Variants in ABR observed in about 807,000 individuals in gnomAD.
ABR encodes the protein ABR activator of RhoGEF and GTPase.
Under a neutral mutation model 107.2 loss-of-function variants are expected in ABR, and 35 were observed. That is an observed-to-expected ratio of 0.33 (90% CI 0.25 to 0.43). The LOEUF is 0.43. Ranked by LOEUF, ABR falls within the 20% of genes least tolerant of loss-of-function variation. The pLI, the probability that ABR is intolerant of heterozygous loss-of-function variation, is 1.00. For synonymous variants in ABR, 498 were observed against 462.0 expected, an observed-to-expected ratio of 1.08 and a Z score of -1.00; for missense variants, 815 against 1,115.2, an observed-to-expected ratio of 0.73 and a Z score of 3.83.
intron 2 of ABR, among the ~76,000 whole-genome samples, chr17:1,114,119 GTGTT>G (rs1366872772): frequency 6.9e-6 from 1 of 144,280 alleles, no homozygotes; most frequent in Non-Finnish European, 1.5e-5. Context: ...GCAATGAACT[GTGTT>G]TGTGCTACTG....
chr17:1,222,170 T>G lies in ABR; in HGVS notation c.838+6623A>C, dbSNP rs879326563. Among the ~76,000 whole-genome samples the G allele has an allele frequency of 3.3e-5, 5 of 151,098 alleles. 1 individual carries two copies. The highest frequency in any genetic ancestry group is 2.7e-4 in the Admixed American group (4 of 15,084). ...ACCTCTGCCTCCCGGGTTCAAGCAATTCTCCTGCCTCAGCCTCCCAAGTAG... is the reference window on the plus strand; with the variant it reads ...ACCTCTGCCTCCCGGGTTCAAGCAAGTCTCCTGCCTCAGCCTCCCAAGTAG... On this transcript the variant is annotated intron_variant, in intron 1 of 22. Transcript: ENST00000574139.
intron 1 of ABR, among the ~76,000 whole-genome samples, chr17:1,160,014 C>A (rs940544280): frequency 6.6e-6 from 1 of 152,136 alleles, no homozygotes; most frequent in African/African-American, 2.4e-5. Context: ...CTGGAGGGAA[C>A]AGGTCCCTTG....
rs1409372301 is a variant in ABR, at chr17:1,027,699, G to A, written c.1792-14535C>T. 6.6e-6 allele frequency among the ~76,000 whole-genome samples: 1 copy of A among 152,178 alleles called. No individual in the cohort carries two copies. Among genetic ancestry groups the A allele is most frequent in the South Asian group, 2.1e-4 (1 of 4,792 alleles). On this transcript the variant is annotated intron_variant, in intron 16 of 22. Coordinates refer to ENST00000302538, the MANE Select transcript of ABR (RefSeq NM_021962.5). This position sits in a 1 kb window ranked among gnomAD's most constrained non-coding sequence, Gnocchi z 4.7. Reference sequence around the variant, plus strand: ...CTGGTGTAGGGGCCTCCAGCTCTCGGGGGAGGCAGCACTGTAGTCCCCTGT... The same window carrying A: ...CTGGTGTAGGGGCCTCCAGCTCTCGAGGGAGGCAGCACTGTAGTCCCCTGT...
intron 16 of ABR, among the ~76,000 whole-genome samples, chr17:1,028,520 C>T (rs1288136892): frequency 6.6e-6 from 1 of 152,236 alleles, no homozygotes; most frequent in African/African-American, 2.4e-5. Context: ...CCTGAAGCTT[C>T]CCCGAATGGC....
upstream of ABR, among the ~76,000 whole-genome samples, chr17:1,181,443 G>A (rs568805267): frequency 2.0e-5 from 3 of 152,176 alleles, no homozygotes; most frequent in South Asian, 4.1e-4. Flanking sequence ...CCGTCCCTGC[G>A]TCCCCAGGGC....
At chr17:1,041,112 G>A (rs1455149207) in intron 16 of ABR, among the ~76,000 whole-genome samples, 5 of 151,960 alleles carry the variant, frequency 3.3e-5, no homozygotes, top group East Asian at 3.9e-4. Context: ...TAGAGACGGC[G>A]TTTCACCATG....
intron 1 of ABR, among the ~76,000 whole-genome samples, chr17:1,215,160 C>A (rs1173281683): frequency 1.3e-5 from 2 of 151,430 alleles, no homozygotes; most frequent in East Asian, 3.9e-4. Context: ...GCAGAGATTG[C>A]AGTGAGCCTA....
chr17:1,038,304 G>A (rs377085049), intron 16 of ABR, among the ~76,000 whole-genome samples: 10 of 152,326 alleles, frequency 6.6e-5, no homozygotes, highest in African/African-American at 2.4e-4. Flanking sequence ...GGGACGTGGG[G>A]GTCTGAGAGA....
In ABR at chr17:1,154,235, G is replaced by C. The variant is rs959644942; in HGVS notation, c.61+25432C>G. The C allele has an allele frequency of 2.6e-5, 4 of 152,236 alleles. No homozygotes were observed. Among genetic ancestry groups the C allele is most frequent in the African/African-American group, 9.7e-5 (4 of 41,410 alleles). The allele number at this position is 152,236 out of a possible 1,614,324, so 9.4% of individuals were successfully genotyped here. On this transcript the variant is annotated intron_variant, in intron 1 of 22. Transcript: ENST00000302538. The surrounding 1 kb of genome is among the most constrained non-coding windows in gnomAD (Gnocchi z 4.0). ...GGAGATTCATCTCTAAGGCCTCAGGGGACCTGGGGGATCGGGAGACAGGCT... is the reference window on the plus strand; with the variant it reads ...GGAGATTCATCTCTAAGGCCTCAGGCGACCTGGGGGATCGGGAGACAGGCT...
At chr17:1,205,513 C>A (rs2042772154) in intron 1 of ABR, among the ~76,000 whole-genome samples, 1 of 152,174 alleles carries the variant, frequency 6.6e-6, no homozygotes, top group Non-Finnish European at 1.5e-5. Flanking sequence ...TGAATCTTTT[C>A]TATTGAAAAT....
intron 1 of ABR, among the ~76,000 whole-genome samples, chr17:1,209,051 T>C (rs1380439926): frequency 2.6e-5 from 4 of 152,198 alleles, no homozygotes; most frequent in African/African-American, 9.6e-5. Flanking sequence ...TTTGAACTCT[T>C]TCCCTTGGTT....
chr17:1,023,098 T>A (rs111231759), intron 16 of ABR, among the ~76,000 whole-genome samples: 3,604 of 89,206 alleles, frequency 0.04, 253 homozygotes, highest in African/African-American at 0.15. Context: ...CTGCAGAGCC[T>A]CTGCCGGCCC....
intron 5 of ABR, among the ~76,000 whole-genome samples, chr17:1,082,433 G>T (rs1211104252): frequency 6.6e-6 from 1 of 152,104 alleles, no homozygotes; most frequent in Admixed American, 6.5e-5. Flanking sequence ...CGTGTTCCCA[G>T]CCAGGAAGGC....
Position 1,078,722 on chromosome 17 carries a change from C to A in ABR, c.700+608G>T. ...CTCGCCCACCCTCCTTCCCTGCGGC[C>A]CTCTAACCTCCCCGGCCACATCTAA... On this transcript the variant is annotated intron_variant, in intron 6 of 22. Coordinates refer to ENST00000302538, the MANE Select transcript of ABR (RefSeq NM_021962.5). This position sits in a 1 kb window ranked among gnomAD's most constrained non-coding sequence, Gnocchi z 7.5. 2 of 1,351,478 alleles carry A rather than the reference C, an allele frequency of 1.5e-6. No individual in the cohort carries two copies. The allele number at this position is 1,351,478 out of a possible 1,614,324, so 83.7% of individuals were successfully genotyped here.
At chr17:1,116,036 G>A (rs2038971709) in intron 2 of ABR, among the ~76,000 whole-genome samples, 1 of 152,108 alleles carries the variant, frequency 6.6e-6, no homozygotes, top group East Asian at 1.9e-4. Context: ...AGACCAGCCT[G>A]GCCAACATGA....
chr17:1,100,329 G>A (rs575454196), intron 3 of ABR, among the ~76,000 whole-genome samples: 117 of 152,312 alleles, frequency 7.7e-4, no homozygotes, highest in Non-Finnish European at 1.3e-3. Flanking sequence ...CGCCCAGGCA[G>A]GCAGAGCACC....
At chr17:1,212,530 G>A (rs1049573362) in intron 1 of ABR, among the ~76,000 whole-genome samples, 6 of 152,130 alleles carry the variant, frequency 3.9e-5, no homozygotes, top group Non-Finnish European at 7.4e-5. Context: ...TGAGGCGGGC[G>A]GATCATTTGA....
intron 1 of ABR, among the ~76,000 whole-genome samples, chr17:1,223,157 T>C (rs927549205): frequency 6.6e-6 from 1 of 151,474 alleles, no homozygotes; most frequent in Non-Finnish European, 1.5e-5. Context: ...AGCCGAGATC[T>C]TGCCATTACA....
At chr17:1,082,100 T>C (rs1597726132) in intron 5 of ABR, among the ~76,000 whole-genome samples, 1 of 152,074 alleles carries the variant, frequency 6.6e-6, no homozygotes, top group South Asian at 2.1e-4. Flanking sequence ...CCAACTCTTC[T>C]AGCGTTAGAG....
Sources: gnomAD v4.1 joint callset for allele counts (sites outside exome capture counted in the v4.1 genomes callset) on GRCh38, gnomAD v4.1.1 for gene constraint, Gnocchi (gnomAD v3.1) non-coding constraint, MANE v1.5 for transcripts, NCBI Gene and HGNC (gene_info 2026-07-23, HGNC 2026-07-21) for gene names.